Variants in SGPP2 observed in about 807,000 individuals in gnomAD.
SGPP2 encodes sphingosine 1-phosphate phosphohydrolase 2.
Under a neutral mutation model 33.9 loss-of-function variants are expected in SGPP2, and 30 were observed. That is an observed-to-expected ratio of 0.89 (90% CI 0.66 to 1.20). The LOEUF is 1.20. SGPP2 is among the 50% of genes most tolerant of loss of function. SGPP2 has a pLI of 0.00. For synonymous variants in SGPP2, 233 were observed against 225.0 expected (o/e 1.04, Z -0.32); for missense variants, 458 against 532.1 (o/e 0.86, Z 1.37).
chr2:222,554,447 T>C (rs1479631663), intron 4 of SGPP2, among the ~76,000 whole-genome samples: 2 of 152,218 alleles, frequency 1.3e-5, no homozygotes, highest in Non-Finnish European at 2.9e-5. Context: ...AACAGATAGC[T>C]TGTAAATATG....
rs576667961 is a variant in SGPP2, at chr2:222,427,288, T to C, written c.219+2467T>C. ...TAAACTTTTTTTTTAAGAGACAGGG[T>C]CTTGCTGTGTCACCCAGGGTGGAGT... On this transcript the variant is annotated intron_variant, in intron 1 of 4. Coordinates refer to ENST00000321276, the MANE Select transcript of SGPP2 (RefSeq NM_152386.4). Among the ~76,000 whole-genome samples, 8 of 152,274 alleles carry C rather than the reference T, an allele frequency of 5.3e-5. No homozygotes were observed. In the South Asian group the frequency reaches 1.2e-3, roughly 24 times the overall value.
chr2:222,472,439 T>C (rs1697858834), intron 1 of SGPP2, among the ~76,000 whole-genome samples: 1 of 151,998 alleles, frequency 6.6e-6, no homozygotes, highest in African/African-American at 2.4e-5. Context: ...GTGGAGTCAG[T>C]TGGTCACCAG....
At chr2:222,502,798 C>T (rs1384994209) in intron 2 of SGPP2, among the ~76,000 whole-genome samples, 1 of 152,190 alleles carries the variant, frequency 6.6e-6, no homozygotes, top group African/African-American at 2.4e-5. Flanking sequence ...GGGGAAATGG[C>T]AGCTCATCCT....
chr2:222,431,710 C>T (rs1428585243), intron 1 of SGPP2, among the ~76,000 whole-genome samples: 1 of 152,104 alleles, frequency 6.6e-6, no homozygotes, highest in Non-Finnish European at 1.5e-5. Flanking sequence ...GAGGGAATCC[C>T]CTGACCAGAG....
intron 1 of SGPP2, among the ~76,000 whole-genome samples, chr2:222,449,202 T>C (rs558882228): frequency 5.9e-5 from 9 of 152,288 alleles, no homozygotes; most frequent in Non-Finnish European, 4.4e-5. Context: ...ATGAACCTTC[T>C]CTAAGACATT....
At chr2:222,494,795 C>T (rs1228514172) in intron 2 of SGPP2, among the ~76,000 whole-genome samples, 1 of 152,184 alleles carries the variant, frequency 6.6e-6, no homozygotes, top group Non-Finnish European at 1.5e-5. Flanking sequence ...CTGTACCTCT[C>T]TTTTTTCCCC....
At chr2:222,488,923 G>A (rs1241053718) in intron 2 of SGPP2, among the ~76,000 whole-genome samples, 1 of 152,136 alleles carries the variant, frequency 6.6e-6, no homozygotes, top group East Asian at 1.9e-4. Context: ...TGTTCAATTT[G>A]AAAATGCTTT....
chr2:222,469,376 G>C (rs528612845), intron 1 of SGPP2, among the ~76,000 whole-genome samples: 5 of 151,862 alleles, frequency 3.3e-5, no homozygotes, highest in African/African-American at 1.2e-4. Context: ...GTACAGACAG[G>C]GTTTCACCAT....
chr2:222,553,060 C>G (rs938214967), intron 4 of SGPP2, among the ~76,000 whole-genome samples: 2 of 152,190 alleles, frequency 1.3e-5, no homozygotes, highest in African/African-American at 2.4e-5. Flanking sequence ...CCTTGCTGAT[C>G]AGACCCTATA....
intron 1 of SGPP2, among the ~76,000 whole-genome samples, chr2:222,459,700 A>G (rs1411109056): frequency 6.6e-6 from 1 of 152,110 alleles, no homozygotes; most frequent in Admixed American, 6.6e-5. Context: ...CTCCCGGAAC[A>G]TGAACCTCTA....
At chr2:222,544,976 T>A (rs1294339017) in intron 4 of SGPP2, among the ~76,000 whole-genome samples, 1 of 152,030 alleles carries the variant, frequency 6.6e-6, no homozygotes, top group Non-Finnish European at 1.5e-5. Flanking sequence ...GTATTCTTAT[T>A]CTCCTCCTAT....
rs190171931 is a variant in SGPP2, at chr2:222,560,346, C to G, written c.*1448C>G. 6.6e-6 allele frequency: 1 copy of G among 152,268 alleles called. No homozygotes were observed. The highest frequency in any genetic ancestry group is 6.5e-5 in the Admixed American group (1 of 15,298). The allele number at this position is 152,268 out of a possible 1,614,324, so 9.4% of individuals were successfully genotyped here. ...CATCTACTGAATAGAATCAGGCGCC[C>G]TTTTTGTCTTCCCACCTCTTATCTC... is the stretch of plus-strand genomic sequence containing the variant. On this transcript the variant is annotated 3_prime_UTR_variant, in exon 5 of 5. Coordinates refer to ENST00000321276, the MANE Select transcript of SGPP2 (RefSeq NM_152386.4).
At chr2:222,543,865 C>A (rs1384840628) in intron 4 of SGPP2, among the ~76,000 whole-genome samples, 1 of 152,176 alleles carries the variant, frequency 6.6e-6, no homozygotes, top group Non-Finnish European at 1.5e-5. Flanking sequence ...TTTTCATTTT[C>A]TCCAATGCTG....
intron 1 of SGPP2, among the ~76,000 whole-genome samples, chr2:222,453,713 A>G (rs971229742): frequency 6.6e-6 from 1 of 152,254 alleles, no homozygotes; most frequent in African/African-American, 2.4e-5. Flanking sequence ...CATAGAACAT[A>G]TAAAATATAT....
chr2:222,529,817 G>C (rs1035195378), intron 4 of SGPP2, among the ~76,000 whole-genome samples: 4 of 152,096 alleles, frequency 2.6e-5, no homozygotes, highest in African/African-American at 9.7e-5. Context: ...AATCCTCTCC[G>C]GAAGATTTTC....
chr2:222,539,266 G>A (rs1457814978), intron 4 of SGPP2, among the ~76,000 whole-genome samples: 1 of 152,168 alleles, frequency 6.6e-6, no homozygotes, highest in South Asian at 2.1e-4. Context: ...ACCCATCAGG[G>A]CAGCCATTAA....
chr2:222,474,511 G>A (rs1348439327), intron 1 of SGPP2, 57 bp from the exon 2 acceptor site: 2 of 1,539,838 alleles, frequency 1.3e-6, no homozygotes, highest in African/African-American at 2.7e-5. Flanking sequence ...AGACAGAGAT[G>A]TTTAAAACTT....
intron 2 of SGPP2, among the ~76,000 whole-genome samples, chr2:222,515,820 C>A (rs1209642125): frequency 6.6e-6 from 1 of 152,080 alleles, no homozygotes; most frequent in Non-Finnish European, 1.5e-5. Flanking sequence ...AGGCGGATCA[C>A]CTGAGGTCAG....
intron 2 of SGPP2, among the ~76,000 whole-genome samples, chr2:222,487,307 G>C (rs1415660250): frequency 6.6e-6 from 1 of 152,180 alleles, no homozygotes; most frequent in African/African-American, 2.4e-5. Flanking sequence ...GGAGGACATA[G>C]CCAGGTTGGG....
Sources: gnomAD v4.1 joint callset for allele counts (sites outside exome capture counted in the v4.1 genomes callset) on GRCh38, gnomAD v4.1.1 for gene constraint, MANE v1.5 for transcripts, NCBI Gene and HGNC (gene_info 2026-07-23, HGNC 2026-07-21) for gene names.